Variants in MYO1A observed in about 807,000 individuals in gnomAD.
MYO1A encodes the protein unconventional myosin-Ia.
In MYO1A, 127 loss-of-function variants were observed where a neutral mutation model predicts 138.5. The ratio of observed to expected loss-of-function variants is 0.92; its 90% CI spans 0.79 to 1.06. The LOEUF (loss-of-function observed/expected upper bound fraction) is 1.06, where lower values mean the gene tolerates loss of function less well. Ranked by LOEUF, MYO1A falls within the 50% of genes least tolerant of loss-of-function variation. MYO1A has a pLI of 0.00. For missense variants in MYO1A, 1,211 were observed against 1,288.8 expected (o/e 0.94, Z 0.92); for synonymous variants, 477 against 497.5 (o/e 0.96, Z 0.55).
chr12:57,034,574 C>T lies in MYO1A; in HGVS notation c.2349+1733G>A, dbSNP rs145034174. Among the ~76,000 whole-genome samples the T allele has an allele frequency of 4.7e-3, 709 of 152,004 alleles. 2 individuals are homozygous for T. Among genetic ancestry groups the T allele is most frequent in the Non-Finnish European group, 7.9e-3 (535 of 67,986 alleles). On this transcript the variant is annotated intron_variant, in intron 22 of 27. Coordinates refer to ENST00000300119, the MANE Select transcript of MYO1A (RefSeq NM_005379.4). ...CTGTGGTCTCAGCTACTGGGAAGGC[C>T]GAGGCTGAAGGATGGCTTGAGCCCG...
At chr12:57,043,721 A>G in intron 10 of MYO1A, 135 bp downstream of exon 10, 1 of 1,140,976 alleles carries the variant, frequency 8.8e-7, no homozygotes, top group Non-Finnish European at 1.3e-6. Flanking sequence ...GAGTCTGTTT[A>G]GGGGAGAACT....
chr12:57,036,538 A>G (rs1478378518), intron 21 of MYO1A, among the ~76,000 whole-genome samples, 157 bp from the exon 22 acceptor site: 1 of 152,192 alleles, frequency 6.6e-6, no homozygotes, highest in Non-Finnish European at 1.5e-5. Context: ...CAGTGAGGAC[A>G]CTTAGAGCAG....
In MYO1A at chr12:57,036,851, CAT is replaced by C. The variant is rs1286567298; in HGVS notation, c.2206-13_2206-12del. 4 of 1,614,234 alleles carry C rather than the reference CAT, an allele frequency of 2.5e-6. No homozygotes were observed. The highest frequency in any genetic ancestry group is 2.7e-5 in the African/African-American group (2 of 75,052). On this transcript the variant is annotated splice_polypyrimidine_tract_variant and intron_variant, in intron 20 of 27. Coordinates refer to ENST00000300119, the MANE Select transcript of MYO1A (RefSeq NM_005379.4). ...ATAGCATTTCTTTTGCTGTAGAAAA[CAT>C]AGGAGTTGTTAGAAAAATGGCACCT...
In MYO1A at chr12:57,038,420, GTTGGGGCTC is replaced by G. The variant is rs2030680274; in HGVS notation, c.1743_1751del (p.Lys581_Pro583del). Reference sequence around the variant, plus strand: ...GCATGCCAGCATGTCACCTGATGTAGTTGGGGCTCTTGGAATACAGATTCTTCATGAGGA... The same window carrying G: ...GCATGCCAGCATGTCACCTGATGTAGTTGGAATACAGATTCTTCATGAGGA... On this transcript the variant is annotated inframe_deletion, in exon 17 of 28. Coordinates refer to ENST00000300119, the MANE Select transcript of MYO1A (RefSeq NM_005379.4). 1 of 1,614,086 alleles carries G rather than the reference GTTGGGGCTC, an allele frequency of 6.2e-7. No homozygotes were observed. The highest frequency in any genetic ancestry group is 1.3e-5 in the African/African-American group (1 of 74,928).
intron 3 of MYO1A, 119 bp downstream of exon 3, chr12:57,047,870 G>A: frequency 6.4e-7 from 1 of 1,559,358 alleles, no homozygotes; most frequent in Non-Finnish European, 8.7e-7. Flanking sequence ...CCTCCAGAAG[G>A]CCAGGGAAGG....
At chr12:57,047,510 GAAAA>G (rs2031158786) in intron 4 of MYO1A, 103 bp from the exon 5 acceptor site, 2 of 1,503,966 alleles carry the variant, frequency 1.3e-6, no homozygotes, top group South Asian at 2.3e-5. Flanking sequence ...CTTGGAGTCA[GAAAA>G]AGTGGAAAGG....
At chr12:57,031,468 G>A (rs2030282712) in intron 22 of MYO1A, among the ~76,000 whole-genome samples, 2 of 152,166 alleles carry the variant, frequency 1.3e-5, no homozygotes, top group African/African-American at 4.8e-5. Context: ...ATGAAAGCTG[G>A]TCTCAAAGTT....
chr12:57,048,577 T>A (rs1220680773), intron 1 of MYO1A, among the ~76,000 whole-genome samples: 5 of 146,098 alleles, frequency 3.4e-5, no homozygotes, highest in Non-Finnish European at 6.0e-5. Flanking sequence ...TTGGTGGGGG[T>A]GGGGCAGGGG....
rs1565643697 is a variant in MYO1A at position 57,038,057 on chromosome 12, G to A, written c.1773C>T (p.Pro591=). Residue 591 remains proline (P), a synonymous_variant, in exon 18 of 28, where the codon CCC becomes CCT. Coordinates refer to ENST00000300119, the MANE Select transcript of MYO1A (RefSeq NM_005379.4). ...ACTGACCTCGCTGCTGATGCTCATTGGGCTTTATGCACCTGGTGGGAGGTG... is the reference window on the plus strand; with the variant it reads ...ACTGACCTCGCTGCTGATGCTCATTAGGCTTTATGCACCTGGTGGGAGGTG... ...KSPNYIRCIK[P]NEHQQRGQFS... is the part of the protein sequence containing the mutation. 4.3e-6 allele frequency: 7 copies of A among 1,613,844 alleles called. No individual in the cohort carries two copies. The highest frequency in any genetic ancestry group is 5.9e-6 in the Non-Finnish European group (7 of 1,180,042).
chr12:57,046,990 G>T, intron 6 of MYO1A, 64 bp from the exon 7 acceptor site: 1 of 1,610,686 alleles, frequency 6.2e-7, no homozygotes, highest in South Asian at 1.1e-5. Flanking sequence ...TGCCTGGAAG[G>T]GGTCTGTGCC....
intron 22 of MYO1A, 113 bp from the exon 23 acceptor site, chr12:57,031,287 G>A: frequency 7.6e-7 from 1 of 1,323,912 alleles, no homozygotes; most frequent in Non-Finnish European, 1.1e-6. Flanking sequence ...ACAGTGAGAA[G>A]CAAGGGGTGG....
Position 57,038,835 on chromosome 12 carries a change from A to G in MYO1A, c.1507T>C (p.Phe503Leu). ...TTGCCCGCATAGTGGCAGATGCGGAAGCAGCTGAGGCCCATGGTGTGGTCA... is the reference window on the plus strand; with the variant it reads ...TTGCCCGCATAGTGGCAGATGCGGAGGCAGCTGAGGCCCATGGTGTGGTCA... Reference protein sequence around the residue: ...QYDHTMGLSCFRICHYAGKVT... With the variant: ...QYDHTMGLSCLRICHYAGKVT... The change falls in exon 16 of 28, where the codon TTC (phenylalanine) becomes CTC (leucine). Residue 503 changes from phenylalanine (F) to leucine (L), a missense_variant. Coordinates refer to ENST00000300119, the MANE Select transcript of MYO1A (RefSeq NM_005379.4). 1 of 1,614,184 alleles carries G rather than the reference A, an allele frequency of 6.2e-7. No individual in the cohort carries two copies. The highest frequency in any genetic ancestry group is 1.3e-5 in the African/African-American group (1 of 75,046).
At chr12:57,049,399 G>A (rs1054590620) in intron 1 of MYO1A, among the ~76,000 whole-genome samples, 1 of 152,226 alleles carries the variant, frequency 6.6e-6, no homozygotes, top group African/African-American at 2.4e-5. Context: ...AACCCGGGTG[G>A]AGGAGCGGAG....
At chr12:57,028,945 T>A (rs2030118111) in intron 27 of MYO1A, 64 bp from the exon 28 acceptor site, 1 of 1,601,668 alleles carries the variant, frequency 6.2e-7, no homozygotes, top group African/African-American at 1.3e-5. Context: ...CGCATTTCCA[T>A]GATGGCCCCC....
upstream of MYO1A, chr12:57,050,926 C>A (rs2031313006): frequency 6.6e-6 from 1 of 152,240 alleles, no homozygotes; most frequent in Non-Finnish European, 1.5e-5. Context: ...CCTAAGTTTG[C>A]CAAAAGTTGC....
chr12:57,034,069 C>T (rs184378360), intron 22 of MYO1A, among the ~76,000 whole-genome samples: 1 of 152,244 alleles, frequency 6.6e-6, no homozygotes, highest in Non-Finnish European at 1.5e-5. Flanking sequence ...ATTGTTTGTT[C>T]TAGAACTAGA....
At position 57,037,854 on chromosome 12, in the gene MYO1A, C is replaced by A. The variant is rs372688253; in HGVS notation, c.1961+15G>T. On this transcript the variant is annotated intron_variant, in intron 18 of 27. Transcript: ENST00000300119. ...CTGCCCTTTCCTGATGCCCAGTCTC[C>A]CCATGGGGTCTTACCGGTCTCCCCC... 3.1e-6 allele frequency: 5 copies of A among 1,613,294 alleles called. No homozygotes were observed. The African/African-American group carries it at 6.7e-5, about 22-fold the overall frequency.
intron 22 of MYO1A, among the ~76,000 whole-genome samples, 199 bp from the exon 23 acceptor site, chr12:57,031,373 A>G (rs1447133480): frequency 6.6e-6 from 1 of 152,190 alleles, no homozygotes; most frequent in Non-Finnish European, 1.5e-5. Context: ...GGGAGGTAAG[A>G]GCATGAATAG....
chr12:57,031,245 G>A, intron 22 of MYO1A, 71 bp from the exon 23 acceptor site: 13 of 1,578,690 alleles, frequency 8.2e-6, no homozygotes, highest in Non-Finnish European at 1.0e-5. Flanking sequence ...CTGGCACCCA[G>A]ATCCTGCCAC....
Sources: gnomAD v4.1 joint callset for allele counts (sites outside exome capture counted in the v4.1 genomes callset) on GRCh38, gnomAD v4.1.1 for gene constraint, MANE v1.5 for transcripts, NCBI Gene and HGNC (gene_info 2026-07-23, HGNC 2026-07-21) for gene names.